PCSK6: variants seen among roughly 807,000 people sequenced by gnomAD.
PCSK6 encodes the protein proprotein convertase subtilisin/kexin type 6.
In PCSK6, 85 loss-of-function variants were observed where a neutral mutation model predicts 123.3. The ratio of observed to expected loss-of-function variants is 0.69; its 90% CI spans 0.58 to 0.83. The LOEUF (loss-of-function observed/expected upper bound fraction) is 0.83. Ranked by LOEUF, PCSK6 falls within the 40% of genes least tolerant of loss-of-function variation. PCSK6 has a pLI of 0.00. For missense variants in PCSK6, 1,191 were observed against 1,282.3 expected, an observed-to-expected ratio of 0.93 and a Z score of 1.09; for synonymous variants, 508 against 516.0, an observed-to-expected ratio of 0.98 and a Z score of 0.21.
In PCSK6 at chr15:101,325,033, C is replaced by G; in HGVS notation, c.2194G>C (p.Val732Leu). The G allele has an allele frequency of 6.2e-7, 1 of 1,608,010 alleles. No homozygotes were observed. Among genetic ancestry groups the G allele is most frequent in the Non-Finnish European group, 8.5e-7 (1 of 1,178,262 alleles). The change falls in exon 17 of 22, where the codon GTG (valine) becomes CTG (leucine). Residue 732 changes from valine (V) to leucine (L), a missense_variant. Physicochemically the swap from Val to Leu is conservative, Grantham distance 32. Transcript: ENST00000611716. ...SVKTSRKCVS[V>L]CPLGYFGDTA... ...TCCCCAAAGTAGCCCAAGGGGCACA[C>G]ACTCACGCACTTCCTGTAGGAGCAA...
rs1002586268 is a variant in PCSK6, at chr15:101,332,932, C to T, written c.1859-901G>A. Among the ~76,000 whole-genome samples the T allele has an allele frequency of 5.3e-5, 8 of 152,294 alleles. 1 individual carries two copies. The East Asian group carries it at 1.5e-3, about 29-fold the overall frequency. ...CAGTCCCCAATTTATGACAGTTTGACTTACAATTTTTTGACTTTACAATGG... is the reference window on the plus strand; with the variant it reads ...CAGTCCCCAATTTATGACAGTTTGATTTACAATTTTTTGACTTTACAATGG... On this transcript the variant is annotated intron_variant, in intron 13 of 21. Coordinates refer to ENST00000611716, the MANE Select transcript of PCSK6 (RefSeq NM_002570.5).
intron 1 of PCSK6, among the ~76,000 whole-genome samples, chr15:101,454,019 C>T (rs190297407): frequency 1.8e-3 from 273 of 152,320 alleles, no homozygotes; most frequent in African/African-American, 6.3e-3. Flanking sequence ...CTGGCTCCTG[C>T]CAGGCCCCCT....
rs942427219 is a variant in PCSK6, at chr15:101,398,777, A to C, written c.824-201T>G. Among the ~76,000 whole-genome samples, 11 of 152,342 alleles carry C rather than the reference A, an allele frequency of 7.2e-5. No homozygotes were observed. Among genetic ancestry groups the C allele is most frequent in the Non-Finnish European group, 2.9e-5 (2 of 68,032 alleles). The stretch of plus-strand genomic sequence containing the variant: ...AGAACTCAGGCCAGGGCAACAAAAG[A>C]AAGCAAGCTACGTCCCAAAGAGAGG... On this transcript the variant is annotated intron_variant, in intron 6 of 21. Coordinates refer to ENST00000611716, the MANE Select transcript of PCSK6 (RefSeq NM_002570.5). This position sits in a 1 kb window ranked among gnomAD's most constrained non-coding sequence, Gnocchi z 4.6.
At chr15:101,381,089 C>T (rs942691923) in intron 11 of PCSK6, among the ~76,000 whole-genome samples, 1 of 151,774 alleles carries the variant, frequency 6.6e-6, no homozygotes, top group Non-Finnish European at 1.5e-5. Flanking sequence ...TGGCCAGGCA[C>T]GGTAGCTCAC....
At chr15:101,348,352 A>G (rs1225728853) in intron 13 of PCSK6, among the ~76,000 whole-genome samples, 2 of 152,260 alleles carry the variant, frequency 1.3e-5, no homozygotes, top group Non-Finnish European at 2.9e-5. Context: ...GGAGACACGC[A>G]GTGGGGCCAG....
rs565017917 is a variant in PCSK6 at position 101,479,027 on chromosome 15, A to C, written c.297+10347T>G. ...TCATTCACTAAACCTTCTCAGTGCCAGGAACTGCACTAGGGCCTCAGGAAG... is the reference window on the plus strand; with the variant it reads ...TCATTCACTAAACCTTCTCAGTGCCCGGAACTGCACTAGGGCCTCAGGAAG... On this transcript the variant is annotated intron_variant, in intron 1 of 21. Coordinates refer to ENST00000611716, the MANE Select transcript of PCSK6 (RefSeq NM_002570.5). 5.9e-5 allele frequency among the ~76,000 whole-genome samples: 9 copies of C among 152,350 alleles called. No individual in the cohort carries two copies. The East Asian group carries it at 1.7e-3, about 29-fold the overall frequency.
intron 6 of PCSK6, among the ~76,000 whole-genome samples, chr15:101,422,864 A>G (rs28727582): frequency 0.02 from 3,027 of 151,374 alleles, 107 homozygotes; most frequent in African/African-American, 0.07. Flanking sequence ...CTCGGGATCC[A>G]CCCGCCTCAG....
rs142644068 is a variant in PCSK6, at chr15:101,459,446, T to C, written c.298-15786A>G. 7.3e-3 allele frequency among the ~76,000 whole-genome samples: 370 copies of C among 50,596 alleles called. 4 individuals carry two copies. The highest frequency in any genetic ancestry group is 0.015 in the African/African-American group (298 of 20,234). The allele number at this position is 50,596 out of a possible 152,430, so 33.2% of individuals were successfully genotyped here. On this transcript the variant is annotated intron_variant, in intron 1 of 21. Coordinates refer to ENST00000611716, the MANE Select transcript of PCSK6 (RefSeq NM_002570.5). ...CGCGTCTCCTCTCCCTAAGTCCACA[T>C]CACCTGCTGCCACCATTCCCGTCCC...
At chr15:101,394,789 A>G (rs1203055436) in intron 7 of PCSK6, among the ~76,000 whole-genome samples, 1 of 151,946 alleles carries the variant, frequency 6.6e-6, no homozygotes, top group Non-Finnish European at 1.5e-5. Context: ...AACCAAGGAG[A>G]CTCCAGCTCC....
chr15:101,466,481 C>T (rs185843852), intron 1 of PCSK6, among the ~76,000 whole-genome samples: 1 of 152,284 alleles, frequency 6.6e-6, no homozygotes, highest in Admixed American at 6.5e-5. Context: ...ATGACTCAGC[C>T]ACTCCACAGC....
intron 1 of PCSK6, among the ~76,000 whole-genome samples, chr15:101,455,838 G>A (rs1169836704): frequency 6.6e-6 from 1 of 152,192 alleles, no homozygotes; most frequent in African/African-American, 2.4e-5. Flanking sequence ...TACAACTGAG[G>A]GACATCCTTT....
chr15:101,326,610 G>T (rs1451568424), intron 15 of PCSK6, 131 bp from the exon 16 acceptor site: 3 of 809,182 alleles, frequency 3.7e-6, no homozygotes, highest in Non-Finnish European at 5.9e-6. Flanking sequence ...GCTGGGGCTG[G>T]ACGGCCAGAC....
chr15:101,380,942 G>A lies in PCSK6; in HGVS notation c.1532+1150C>T, dbSNP rs573287397. ...CACTCCGTTCTGTATCAGATACAAG[G>A]CCCAGAGAAACACCGTTCTCCTTAA... On this transcript the variant is annotated intron_variant, in intron 11 of 21. Transcript: ENST00000611716. Among the ~76,000 whole-genome samples, 25 of 152,254 alleles carry A rather than the reference G, an allele frequency of 1.6e-4. 1 individual carries two copies. Among genetic ancestry groups the A allele is most frequent in the African/African-American group, 4.8e-4 (20 of 41,550 alleles).
intron 8 of PCSK6, among the ~76,000 whole-genome samples, chr15:101,391,418 G>A (rs2042230746): frequency 6.6e-6 from 1 of 152,238 alleles, no homozygotes; most frequent in Non-Finnish European, 1.5e-5. Context: ...GGAGCGAGCA[G>A]AGGGGCCTAC....
chr15:101,307,310 G>A lies in PCSK6; in HGVS notation c.2715C>T (p.Cys905=). 6.2e-7 allele frequency: 1 copy of A among 1,613,216 alleles called. No individual in the cohort carries two copies. Among genetic ancestry groups the A allele is most frequent in the Non-Finnish European group, 8.5e-7 (1 of 1,179,554 alleles). The change falls in exon 21 of 22, where the codon TGC becomes TGT. Residue 905 remains cysteine (C), a synonymous_variant. Coordinates refer to ENST00000611716, the MANE Select transcript of PCSK6 (RefSeq NM_002570.5). ...TCCTGCTGGAGCCTGCACAGCTCAA[G>A]CAGTTCTCGTCACACCTGTGGGAAG... ...HKVCRRCDEN[C]LSCAGSSRNC...
chr15:101,405,939 C>T (rs1368173057), intron 6 of PCSK6, among the ~76,000 whole-genome samples: 2 of 152,166 alleles, frequency 1.3e-5, no homozygotes, highest in African/African-American at 4.8e-5. Flanking sequence ...GATGGGGCTT[C>T]GCCATGCTGG....
Position 101,326,366 on chromosome 15 carries a change from A to C in PCSK6, c.2180+11T>G. 6.4e-7 allele frequency: 1 copy of C among 1,558,868 alleles called. No homozygotes were observed. The highest frequency in any genetic ancestry group is 8.7e-7 in the Non-Finnish European group (1 of 1,150,084). On this transcript the variant is annotated intron_variant, in intron 16 of 21. Transcript: ENST00000611716. The stretch of plus-strand genomic sequence containing the variant: ...GAGTGGTGAGCCACAGGGCTGCGGG[A>C]CATGCATTACCTGCTGGTCTTGACA...
At chr15:101,411,763 T>C (rs1185416766) in intron 6 of PCSK6, among the ~76,000 whole-genome samples, 1 of 152,110 alleles carries the variant, frequency 6.6e-6, no homozygotes, top group Non-Finnish European at 1.5e-5. Context: ...CCTCCACCCA[T>C]GCGAGGACGA....
At chr15:101,405,356 G>A (rs762923960) in intron 6 of PCSK6, among the ~76,000 whole-genome samples, 20 of 152,322 alleles carry the variant, frequency 1.3e-4, no homozygotes, top group East Asian at 7.7e-4. Flanking sequence ...AGAGCACAGC[G>A]TGGCACAATG....
Sources: allele counts gnomAD v4.1 joint callset (sites outside exome capture counted in the v4.1 genomes callset), GRCh38; gene constraint gnomAD v4.1.1; non-coding constraint Gnocchi (gnomAD v3.1); transcripts MANE v1.5; gene names NCBI Gene and HGNC (gene_info 2026-07-23, HGNC 2026-07-21).